The following VWA5B1 variants were observed in gnomAD, a reference collection of about 807,000 sequenced individuals.
VWA5B1 encodes the protein von Willebrand factor A domain-containing protein 5B1.
VWA5B1 carries 115 observed loss-of-function variants against 118.2 expected under a neutral mutation model. That is an observed-to-expected ratio of 0.97 (90% CI 0.84 to 1.14). The LOEUF (loss-of-function observed/expected upper bound fraction) is 1.14, where lower values mean the gene tolerates loss of function less well. Among genes scored for constraint, VWA5B1 ranks in the 50% most tolerant of loss-of-function variants. VWA5B1 has a pLI of 0.00. For missense variants in VWA5B1, 1,596 were observed against 1,603.8 expected, an observed-to-expected ratio of 1.00 and a Z score of 0.08; for synonymous variants, 682 against 658.4, an observed-to-expected ratio of 1.04 and a Z score of -0.55.
chr1:20,301,895 G>A (rs1234492385), intron 1 of VWA5B1, among the ~76,000 whole-genome samples: 1 of 152,156 alleles, frequency 6.6e-6, no homozygotes, highest in Non-Finnish European at 1.5e-5. Flanking sequence ...AGGCTCCAAC[G>A]CAGGAATCTT....
At chr1:20,312,190 C>G (rs2088869923) in intron 2 of VWA5B1, among the ~76,000 whole-genome samples, 1 of 152,208 alleles carries the variant, frequency 6.6e-6, no homozygotes, top group Non-Finnish European at 1.5e-5. Context: ...TGGCCCTACC[C>G]CAGAGCTACT....
At chr1:20,295,605 A>T (rs1276093278) in intron 1 of VWA5B1, among the ~76,000 whole-genome samples, 2 of 152,072 alleles carry the variant, frequency 1.3e-5, no homozygotes, top group African/African-American at 4.8e-5. Flanking sequence ...CACACTGAGG[A>T]TCAAACTGCT....
At chr1:20,313,364 T>C (rs190899968) in intron 3 of VWA5B1, among the ~76,000 whole-genome samples, 34 of 152,340 alleles carry the variant, frequency 2.2e-4, no homozygotes, top group Non-Finnish European at 4.1e-4. Flanking sequence ...TGCTCACAAA[T>C]GGTGGAGCTT....
rs754171591 is a variant in VWA5B1, at chr1:20,350,917, T to C, written c.3014T>C (p.Phe1005Ser). The change falls in exon 20 of 22, where the codon TTT (phenylalanine) becomes TCT (serine). Residue 1005 changes from phenylalanine (F) to serine (S), a missense_variant. Coordinates refer to ENST00000289815, the MANE Select transcript of VWA5B1 (RefSeq NM_001039500.3). ...TCCATGAAGGCCTCAGAGAATCTCTTTGGATCCTGGTAGGTGGGATTTCCA... is the reference window on the plus strand; with the variant it reads ...TCCATGAAGGCCTCAGAGAATCTCTCTGGATCCTGGTAGGTGGGATTTCCA... ...LSSMKASENLFGSWLNLNKSR... is the reference protein window; with the variant it reads ...LSSMKASENLSGSWLNLNKSR... 1 of 1,551,956 alleles carries C rather than the reference T, an allele frequency of 6.4e-7. No homozygotes were observed.
At position 20,343,183 on chromosome 1, in the gene VWA5B1, G is replaced by A. The variant is rs941569195; in HGVS notation, c.2416G>A (p.Ala806Thr). 48 of 1,549,386 alleles carry A rather than the reference G, an allele frequency of 3.1e-5. No homozygotes were observed. The highest frequency in any genetic ancestry group is 4.0e-5 in the Non-Finnish European group (46 of 1,146,580). The part of the protein sequence containing the change: ...RASPSRPATP[A>T]PVLGKALVKG... ...CAGTCCCAGCAGGCCCGCCACCCCG[G>A]CCCCGGTGCTGGGCAAGGCCCTGGT... The change falls in exon 16 of 22, where the codon GCC becomes ACC. Residue 806 changes from alanine to threonine, a missense_variant. Coordinates refer to ENST00000289815, the MANE Select transcript of VWA5B1 (RefSeq NM_001039500.3).
intron 15 of VWA5B1, 38 bp from the exon 16 acceptor site, chr1:20,343,041 C>G: frequency 6.8e-7 from 1 of 1,475,296 alleles, no homozygotes; most frequent in Non-Finnish European, 9.0e-7. Flanking sequence ...GTCTGTCCCC[C>G]AGGTCAGCGC....
At position 20,310,700 on chromosome 1, in the gene VWA5B1, C is replaced by A. The variant is rs1389306565; in HGVS notation, c.99C>A (p.Ala33=). The part of the protein sequence containing the change: ...CVSGYALGLT[A]SLTYGNLEAQ... The stretch of plus-strand genomic sequence containing the variant: ...GCGGTTATGCCCTGGGCCTAACTGC[C>A]TCCCTCACCTATGGCAACCTGGAAG... Residue 33 remains alanine (A), a synonymous_variant, in exon 2 of 22, where the codon GCC becomes GCA. Transcript: ENST00000289815. The A allele has an allele frequency of 1.0e-5, 16 of 1,550,758 alleles. No homozygotes were observed. Among genetic ancestry groups the A allele is most frequent in the Non-Finnish European group, 1.4e-5 (16 of 1,146,660 alleles).
chr1:20,345,348 C>T, intron 16 of VWA5B1, 108 bp from the exon 17 acceptor site: 1 of 1,445,574 alleles, frequency 6.9e-7, no homozygotes, highest in African/African-American at 1.4e-5. Flanking sequence ...TTCTTTAATC[C>T]CAAAGATGGG....
At chr1:20,315,693 T>C (rs2088984482) in intron 4 of VWA5B1, among the ~76,000 whole-genome samples, 1 of 152,124 alleles carries the variant, frequency 6.6e-6, no homozygotes, top group African/African-American at 2.4e-5. Flanking sequence ...GCAGGTGCCA[T>C]GTGTCACGGC....
intron 20 of VWA5B1, 60 bp downstream of exon 20, chr1:20,350,986 C>T: frequency 1.3e-6 from 2 of 1,511,802 alleles, no homozygotes; most frequent in Non-Finnish European, 9.0e-7. Context: ...GGGGTGGTCC[C>T]TGGGGTTTTC....
chr1:20,338,349 A>G (rs1557435547), intron 14 of VWA5B1: 3 of 309,788 alleles, frequency 9.7e-6, no homozygotes, highest in Non-Finnish European at 1.3e-5. Context: ...TTTTTTGTTT[A>G]TTTGTTTGTT....
At chr1:20,293,959 G>A (rs2088358931) in intron 1 of VWA5B1, among the ~76,000 whole-genome samples, 1 of 152,186 alleles carries the variant, frequency 6.6e-6, no homozygotes, top group South Asian at 2.1e-4. Context: ...AGCGCTGGGA[G>A]GGGCAGGAGG....
At chr1:20,313,672 G>A (rs1013456936) in intron 3 of VWA5B1, among the ~76,000 whole-genome samples, 3 of 152,200 alleles carry the variant, frequency 2.0e-5, no homozygotes, top group African/African-American at 7.2e-5. Flanking sequence ...CTGGATCTAC[G>A]ATCAAGGTGA....
At chr1:20,337,548 G>A in intron 13 of VWA5B1, 98 bp from the exon 14 acceptor site, 2 of 1,341,454 alleles carry the variant, frequency 1.5e-6, no homozygotes, top group Non-Finnish European at 2.0e-6. Flanking sequence ...GGCAAGAGGT[G>A]GAGAACGTGA....
chr1:20,324,779 G>A lies in VWA5B1; in HGVS notation c.1143+1247G>A, dbSNP rs183675573. Among the ~76,000 whole-genome samples, 17 of 152,266 alleles carry A rather than the reference G, an allele frequency of 1.1e-4. 1 individual carries two copies. In the East Asian group the frequency reaches 3.3e-3, roughly 29 times the overall value. On this transcript the variant is annotated intron_variant, in intron 8 of 21. Coordinates refer to ENST00000289815, the MANE Select transcript of VWA5B1 (RefSeq NM_001039500.3). ...TCCATGGGTTTGCTACAGTTGTCTT[G>A]AAGTATGACAAAGGAATCATACACA...
chr1:20,319,272 T>C, intron 6 of VWA5B1, 110 bp from the exon 7 acceptor site: 1 of 1,459,850 alleles, frequency 6.9e-7, no homozygotes, highest in Non-Finnish European at 9.2e-7. Context: ...CCACCCCGCT[T>C]CCAAATGGGA....
At chr1:20,334,238 A>G (rs2089652152) in intron 12 of VWA5B1, among the ~76,000 whole-genome samples, 1 of 152,202 alleles carries the variant, frequency 6.6e-6, no homozygotes, top group African/African-American at 2.4e-5. Flanking sequence ...GTTATGGAAA[A>G]TGGAGTGTTC....
At chr1:20,310,039 G>A (rs955008725) in intron 1 of VWA5B1, among the ~76,000 whole-genome samples, 1 of 151,236 alleles carries the variant, frequency 6.6e-6, no homozygotes, top group Non-Finnish European at 1.5e-5. Flanking sequence ...GAAGAATGTG[G>A]CTCCCCTTAC....
chr1:20,310,788 G>A, intron 2 of VWA5B1, 48 bp downstream of exon 2: 1 of 1,474,736 alleles, frequency 6.8e-7, no homozygotes, highest in Non-Finnish European at 9.0e-7. Context: ...CTCCTCCACA[G>A]TGAATCCCTG....
Sources: gnomAD v4.1 joint callset for allele counts (sites outside exome capture counted in the v4.1 genomes callset) on GRCh38, gnomAD v4.1.1 for gene constraint, MANE v1.5 for transcripts, NCBI Gene and HGNC (gene_info 2026-07-23, HGNC 2026-07-21) for gene names.